Variants in LRP8 observed in about 807,000 individuals in gnomAD.
LRP8 encodes the protein LDL receptor related protein 8, also known as low-density lipoprotein receptor-related protein 8.
In LRP8, 46 loss-of-function variants were observed where a neutral mutation model predicts 111.6. That is an observed-to-expected ratio of 0.41 (90% CI 0.33 to 0.53). LRP8 has a LOEUF of 0.53. Ranked by LOEUF, LRP8 falls within the 20% of genes least tolerant of loss-of-function variation. The pLI, the probability that LRP8 is intolerant of heterozygous loss-of-function variation, is 0.20. For missense variants in LRP8, 959 were observed against 1,297.4 expected (o/e 0.74, Z 4.01); for synonymous variants, 464 against 511.2 (o/e 0.91, Z 1.24).
At chr1:53,291,923 G>T (rs1249856766) in intron 2 of LRP8, 1 of 152,232 alleles carries the variant, frequency 6.6e-6, no homozygotes, top group Non-Finnish European at 1.5e-5. Flanking sequence ...TGTCCCTGCA[G>T]CACAGAGACT....
rs1310658816 is a variant in LRP8 at position 53,249,929 on chromosome 1, C to G, written c.2677-373G>C. ...GCATCAGGAAAACAGATTAATCAGA[C>G]AGTTCTGCCCTCAAGGATCTTATGG... On this transcript the variant is annotated intron_variant, in intron 17 of 18. Coordinates refer to ENST00000306052, the MANE Select transcript of LRP8 (RefSeq NM_004631.5). The surrounding 1 kb of genome is among the most constrained non-coding windows in gnomAD (Gnocchi z 4.1). 6.6e-6 allele frequency among the ~76,000 whole-genome samples: 1 copy of G among 152,160 alleles called. No homozygotes were observed. Among genetic ancestry groups the G allele is most frequent in the Non-Finnish European group, 1.5e-5 (1 of 68,036 alleles).
rs1460943263 is a variant in LRP8 at position 53,327,542 on chromosome 1, G to T, written c.124+247C>A. 18 of 456,632 alleles carry T rather than the reference G, an allele frequency of 3.9e-5. No individual in the cohort carries two copies. The Admixed American group carries it at 6.5e-4, about 16-fold the overall frequency. 28.3% of individuals were successfully genotyped at this position (456,632 alleles called of 1,614,324 possible). On this transcript the variant is annotated intron_variant, in intron 1 of 18. Transcript: ENST00000306052. ...GGCCGCCCCTCCGGCAAAGTTCCCC[G>T]CTGGCCAAGCCCCCCTGCACCCCTC...
At position 53,246,221 on chromosome 1, in the gene LRP8, T is replaced by C. The variant is rs191287030; in HGVS notation, c.*797A>G. 2.0e-5 allele frequency: 3 copies of C among 152,330 alleles called. No individual in the cohort carries two copies. The East Asian group carries it at 5.8e-4, about 29-fold the overall frequency. The allele number at this position is 152,330 out of a possible 1,614,324, so 9.4% of individuals were successfully genotyped here. On this transcript the variant is annotated 3_prime_UTR_variant, in exon 19 of 19. Transcript: ENST00000306052. ...GCCAGAGGTGAAAAGATTTGCCTTTTTTACTACATAATTGCACAAACCATG... is the reference window on the plus strand; with the variant it reads ...GCCAGAGGTGAAAAGATTTGCCTTTCTTACTACATAATTGCACAAACCATG...
At chr1:53,273,609 G>T (rs1646826625) in intron 6 of LRP8, among the ~76,000 whole-genome samples, 1 of 152,232 alleles carries the variant, frequency 6.6e-6, no homozygotes, top group African/African-American at 2.4e-5. Context: ...TGTTGGGGGA[G>T]CTAGGCTCAG....
rs749826537 is a variant in LRP8 at position 53,264,254 on chromosome 1, C to T, written c.1570G>A (p.Ala524Thr). The change falls in exon 10 of 19, where the codon GCC becomes ACC. Residue 524 changes from alanine (A) to threonine (T), a missense_variant. Coordinates refer to ENST00000306052, the MANE Select transcript of LRP8 (RefSeq NM_004631.5). The stretch of plus-strand genomic sequence containing the variant: ...CGTCGGCGGCCACCATCAACTGTGG[C>T]CACTGAGATGGTCTTATTGCCCGAG... Reference protein sequence around the residue: ...TDSGNKTISVATVDGGRRRTL... With the variant: ...TDSGNKTISVTTVDGGRRRTL... The T allele has an allele frequency of 1.2e-6, 2 of 1,614,172 alleles. No individual in the cohort carries two copies. The highest frequency in any genetic ancestry group is 2.2e-5 in the South Asian group (2 of 91,074).
chr1:53,243,641 T>G lies in LRP8; in HGVS notation c.*3377A>C, dbSNP rs1313476568. ...CATTTCTTGCCCCCCTTGAGCCTTT[T>G]GTTCCTGTTAGAATGAACTGTGCAA... is the stretch of plus-strand genomic sequence containing the variant. On this transcript the variant is annotated 3_prime_UTR_variant, in exon 19 of 19. Transcript: ENST00000306052. The G allele has an allele frequency of 6.6e-6, 1 of 152,246 alleles. No individual in the cohort carries two copies. Among genetic ancestry groups the G allele is most frequent in the Non-Finnish European group, 1.5e-5 (1 of 68,038 alleles). The allele number at this position is 152,246 out of a possible 1,614,324, so 9.4% of individuals were successfully genotyped here.
At chr1:53,287,832 G>C (rs767200878) in intron 3 of LRP8, among the ~76,000 whole-genome samples, 2 of 150,252 alleles carry the variant, frequency 1.3e-5, no homozygotes, top group Non-Finnish European at 3.0e-5. Context: ...GGACACATGA[G>C]TAGGGCAGTG....
At chr1:53,263,825 C>T (rs1646441142) in intron 10 of LRP8, among the ~76,000 whole-genome samples, 1 of 152,186 alleles carries the variant, frequency 6.6e-6, no homozygotes, top group East Asian at 1.9e-4. Flanking sequence ...AGGTAATGAG[C>T]TACCTGTCTT....
intron 3 of LRP8, 28 bp downstream of exon 3, chr1:53,289,539 C>T: frequency 6.3e-7 from 1 of 1,578,602 alleles, no homozygotes; most frequent in Non-Finnish European, 8.6e-7. Context: ...GAGGCCCACC[C>T]CCACCCAGAC....
chr1:53,289,569 C>T lies in LRP8; in HGVS notation c.365G>A (p.Cys122Tyr). 1 of 1,599,314 alleles carries T rather than the reference C, an allele frequency of 6.3e-7. No homozygotes were observed. Residue 122 changes from cysteine to tyrosine, a missense_variant and splice_region_variant, in exon 3 of 19, where the codon TGC (cysteine) becomes TAC (tyrosine). Coordinates refer to ENST00000306052, the MANE Select transcript of LRP8 (RefSeq NM_004631.5). ...CCAGACTGAGGGGCAGGACTCACTG[C>T]AAGTGGCCTCGGACTCATCGGAGCC... The part of the protein sequence containing the change: ...PDGSDESEAT[C>Y]TKQVCPAEKL...
intron 2 of LRP8, among the ~76,000 whole-genome samples, chr1:53,308,488 T>C (rs956071868): frequency 2.1e-5 from 3 of 145,500 alleles, no homozygotes; most frequent in African/African-American, 8.3e-5. Context: ...TGCTAAATGT[T>C]TGGAAAAAGC....
Position 53,262,355 on chromosome 1 carries a change from G to C in LRP8, c.1774+91C>G. 1 of 1,517,794 alleles carries C rather than the reference G, an allele frequency of 6.6e-7. No individual in the cohort carries two copies. Among genetic ancestry groups the C allele is most frequent in the Non-Finnish European group, 9.1e-7 (1 of 1,099,054 alleles). 94.0% of individuals were successfully genotyped at this position (1,517,794 alleles called of 1,614,324 possible). ...GGAAACAAAGTCACTGGCACCATGA[G>C]AGGACCCAGAAACAAGACTCATGGA... On this transcript the variant is annotated intron_variant, in intron 11 of 18. Coordinates refer to ENST00000306052, the MANE Select transcript of LRP8 (RefSeq NM_004631.5). This position sits in a 1 kb window ranked among gnomAD's most constrained non-coding sequence, Gnocchi z 4.8.
chr1:53,261,744 C>T (rs559116757), intron 12 of LRP8, among the ~76,000 whole-genome samples: 10 of 152,318 alleles, frequency 6.6e-5, no homozygotes, highest in African/African-American at 2.4e-4. Flanking sequence ...TTCCTTTCCT[C>T]CCTTTACTGG....
At position 53,247,836 on chromosome 1, in the gene LRP8, T is replaced by C. The variant is rs1162816671; in HGVS notation, c.2854-780A>G. 2.0e-5 allele frequency among the ~76,000 whole-genome samples: 3 copies of C among 152,246 alleles called. No homozygotes were observed. In the East Asian group the frequency reaches 5.8e-4, roughly 29 times the overall value. ...TGTTTGAATTCCCTTCCGTTCATTC[T>C]GAGTGTTTTCTTCTCCAGGGTACAC... is the stretch of plus-strand genomic sequence containing the variant. On this transcript the variant is annotated intron_variant, in intron 18 of 18. Transcript: ENST00000306052.
chr1:53,314,129 G>A lies in LRP8; in HGVS notation c.244+12744C>T, dbSNP rs570661079. On this transcript the variant is annotated intron_variant, in intron 2 of 18. Transcript: ENST00000306052. ...CAGGCAATGCCTGCACTCCGGCCTA[G>A]TCCAAGAGGCAGAAGACGTTCAGCC... 2.0e-5 allele frequency among the ~76,000 whole-genome samples: 3 copies of A among 152,336 alleles called. No homozygotes were observed. In the East Asian group the frequency reaches 5.8e-4, roughly 29 times the overall value.
chr1:53,271,460 G>T, intron 6 of LRP8, 114 bp from the exon 7 acceptor site: 2 of 1,198,954 alleles, frequency 1.7e-6, no homozygotes, highest in Non-Finnish European at 1.2e-6. Flanking sequence ...TCCCATAGAG[G>T]CAGGAGGGCT....
chr1:53,285,301 G>A (rs530188501), intron 3 of LRP8, among the ~76,000 whole-genome samples: 1 of 152,152 alleles, frequency 6.6e-6, no homozygotes, highest in Non-Finnish European at 1.5e-5. Context: ...CTGGCCCAGA[G>A]AGAGGTCACT....
In LRP8 at chr1:53,262,102, A is replaced by G. The variant is rs1646360750; in HGVS notation, c.1880T>C (p.Phe627Ser). The change falls in exon 12 of 19, where the codon TTC becomes TCC. Residue 627 changes from phenylalanine (F) to serine (S), a missense_variant. By Grantham distance (155) the Phe-to-Ser change is radical (BLOSUM62 -2). Transcript: ENST00000306052. The surrounding 1 kb of genome is among the most constrained non-coding windows in gnomAD (Gnocchi z 4.8). ...NRKTLISSTDFLSHPFGIAVF... is the reference protein window; with the variant it reads ...NRKTLISSTDSLSHPFGIAVF... ...AGCTATCCCAAAAGGGTGGCTCAGG[A>G]AGTCAGTGGAGGAGATCAGCGTCTT... 6.2e-7 allele frequency: 1 copy of G among 1,614,074 alleles called. No individual in the cohort carries two copies. The highest frequency in any genetic ancestry group is 8.5e-7 in the Non-Finnish European group (1 of 1,180,030).
At chr1:53,300,398 CCCAGCCCAGGG>C (rs1650584111) in intron 2 of LRP8, among the ~76,000 whole-genome samples, 1 of 152,202 alleles carries the variant, frequency 6.6e-6, no homozygotes, top group Non-Finnish European at 1.5e-5. Context: ...ATGAGTGGAT[CCCAGCCCAGGG>C]CCAGCCAGGG....
Sources: gnomAD v4.1 joint callset for allele counts (sites outside exome capture counted in the v4.1 genomes callset) on GRCh38, gnomAD v4.1.1 for gene constraint, Gnocchi (gnomAD v3.1) non-coding constraint, MANE v1.5 for transcripts, NCBI Gene and HGNC (gene_info 2026-07-23, HGNC 2026-07-21) for gene names.